Variants in ZC2HC1A observed in about 807,000 individuals in gnomAD.
The protein encoded by ZC2HC1A is zinc finger C2HC domain-containing protein 1A.
A neutral mutation model predicts 40.7 loss-of-function variants in ZC2HC1A; 28 were observed. The ratio of observed to expected loss-of-function variants is 0.69; its 90% confidence interval spans 0.51 to 0.94. ZC2HC1A has a LOEUF of 0.94. ZC2HC1A is among the 40% of genes least tolerant of loss of function. The pLI is 0.00. For synonymous variants in ZC2HC1A, 129 were observed against 129.2 expected (o/e 1.00, Z 0.01); for missense variants, 389 against 386.3 (o/e 1.01, Z -0.06).
chr8:78,681,710 T>G (rs1192379838), intron 3 of ZC2HC1A, among the ~76,000 whole-genome samples: 1 of 152,140 alleles, frequency 6.6e-6, no homozygotes, highest in African/African-American at 2.4e-5. Flanking sequence ...TTTTCTAAAA[T>G]AAATGACATT....
At chr8:78,716,144 A>G (rs1811094074) in intron 8 of ZC2HC1A, among the ~76,000 whole-genome samples, 1 of 149,976 alleles carries the variant, frequency 6.7e-6, no homozygotes, top group Admixed American at 6.6e-5. Context: ...GTTTTTTAAG[A>G]CGGAGTCTCG....
At chr8:78,683,511 G>A (rs1809857016) in intron 3 of ZC2HC1A, among the ~76,000 whole-genome samples, 1 of 152,170 alleles carries the variant, frequency 6.6e-6, no homozygotes, top group African/African-American at 2.4e-5. Context: ...GGAGCAGCTG[G>A]GACGCAGGGC....
intron 8 of ZC2HC1A, among the ~76,000 whole-genome samples, chr8:78,715,675 A>G (rs1295261028): frequency 6.6e-6 from 1 of 152,152 alleles, no homozygotes; most frequent in Non-Finnish European, 1.5e-5. Context: ...TGTACTAGCA[A>G]AATAGCAAAA....
At chr8:78,677,001 T>C (rs1233655678) in intron 2 of ZC2HC1A, among the ~76,000 whole-genome samples, 1 of 152,056 alleles carries the variant, frequency 6.6e-6, no homozygotes, top group Non-Finnish European at 1.5e-5. Context: ...TTTTTAAAAA[T>C]ACTTAAGAGC....
chr8:78,712,842 G>A (rs1209943969), intron 7 of ZC2HC1A, among the ~76,000 whole-genome samples: 1 of 152,140 alleles, frequency 6.6e-6, no homozygotes, highest in Non-Finnish European at 1.5e-5. Flanking sequence ...ATTAAGCAGA[G>A]TAACTTAGTT....
chr8:78,669,947 A>ATTTCTTTCTTTC (rs1012478234), intron 1 of ZC2HC1A, among the ~76,000 whole-genome samples: 2 of 142,858 alleles, frequency 1.4e-5, no homozygotes, highest in Admixed American at 7.2e-5. Context: ...GAATGAATGT[A>ATTTCTTTCTTTC]TTTCTTTCTT....
intron 1 of ZC2HC1A, among the ~76,000 whole-genome samples, chr8:78,670,856 GT>G (rs1244086074): frequency 7.2e-5 from 11 of 152,130 alleles, no homozygotes; most frequent in Admixed American, 5.9e-4. Context: ...CATTGACTAG[GT>G]TAAGACAAAA....
chr8:78,713,114 T>C (rs994030193), intron 7 of ZC2HC1A, among the ~76,000 whole-genome samples: 1 of 151,972 alleles, frequency 6.6e-6, no homozygotes, highest in African/African-American at 2.4e-5. Context: ...TTAAGTACAA[T>C]TCCAAAATTA....
intron 5 of ZC2HC1A, among the ~76,000 whole-genome samples, chr8:78,689,844 T>A (rs903965714): frequency 6.6e-6 from 1 of 152,248 alleles, no homozygotes; most frequent in Non-Finnish European, 1.5e-5. Flanking sequence ...TCTTTATGAT[T>A]TATGCTCCTT....
intron 3 of ZC2HC1A, among the ~76,000 whole-genome samples, chr8:78,682,378 C>T (rs1339957133): frequency 6.7e-6 from 1 of 148,956 alleles, no homozygotes; most frequent in Non-Finnish European, 1.5e-5. Context: ...GTTTAAGGGA[C>T]TTAAACTTCC....
intron 7 of ZC2HC1A, among the ~76,000 whole-genome samples, chr8:78,714,129 A>G (rs1000202661): frequency 3.3e-5 from 5 of 152,128 alleles, no homozygotes; most frequent in African/African-American, 1.2e-4. Context: ...TGAAATTTAA[A>G]GATTTGATTA....
In ZC2HC1A at chr8:78,688,304, A is replaced by C. The variant is rs1156272289; in HGVS notation, c.353-918A>C. 2.0e-5 allele frequency among the ~76,000 whole-genome samples: 3 copies of C among 152,108 alleles called. No homozygotes were observed. In the East Asian group the frequency reaches 5.8e-4, roughly 29 times the overall value. On this transcript the variant is annotated intron_variant, in intron 4 of 8. Coordinates refer to ENST00000263849, the MANE Select transcript of ZC2HC1A (RefSeq NM_016010.3). ...GAGAGTGAGAGGGTACCAGTTCTTC[A>C]GGATCGTTTGGGCTTTAGAAGTTTT... is the stretch of plus-strand genomic sequence containing the variant.
At chr8:78,705,654 C>T (rs547972554) in intron 7 of ZC2HC1A, among the ~76,000 whole-genome samples, 2 of 152,254 alleles carry the variant, frequency 1.3e-5, no homozygotes, top group South Asian at 2.1e-4. Context: ...GGCATGGGCT[C>T]TCCAAACCCC....
intron 7 of ZC2HC1A, among the ~76,000 whole-genome samples, chr8:78,702,762 T>C (rs1043200155): frequency 6.6e-6 from 1 of 152,190 alleles, no homozygotes; most frequent in Non-Finnish European, 1.5e-5. Flanking sequence ...TATGTAGTTG[T>C]AGGGTTTTGA....
At chr8:78,679,277 A>G (rs1809686407) in intron 3 of ZC2HC1A, 1 of 152,172 alleles carries the variant, frequency 6.6e-6, no homozygotes, top group Non-Finnish European at 1.5e-5. Context: ...TCTGTTATAT[A>G]TTATAGTAAT....
rs1304707439 is a variant in ZC2HC1A at position 78,697,422 on chromosome 8, C to T, written c.520C>T (p.Leu174Phe). The T allele has an allele frequency of 6.3e-7, 1 of 1,599,068 alleles. No individual in the cohort carries two copies. Among genetic ancestry groups the T allele is most frequent in the Admixed American group, 1.8e-5 (1 of 55,606 alleles). Residue 174 changes from leucine to phenylalanine, a missense_variant, in exon 6 of 9, where the codon CTT becomes TTT. Leu to Phe is a conservative substitution (Grantham distance 22, BLOSUM62 0). Coordinates refer to ENST00000263849, the MANE Select transcript of ZC2HC1A (RefSeq NM_016010.3). ...ATTATTTTAGTATAAGCCACCCGCA[C>T]TTAAAAAGTCAAATTCTCCTGGAAC... ...SRTQVYKPPA[L>F]KKSNSPGTAS...
intron 1 of ZC2HC1A, among the ~76,000 whole-genome samples, chr8:78,675,284 A>G (rs1217927374): frequency 6.6e-6 from 1 of 151,900 alleles, no homozygotes; most frequent in East Asian, 1.9e-4. Flanking sequence ...TAATTTGCAT[A>G]ACTAGGTGAT....
intron 1 of ZC2HC1A, 47 bp from the exon 2 acceptor site, chr8:78,675,740 C>G (rs1585977932): frequency 6.8e-7 from 1 of 1,473,684 alleles, no homozygotes; most frequent in East Asian, 2.3e-5. Context: ...TGAAGTTTCA[C>G]AATTTCAAGT....
chr8:78,681,525 A>T (rs577957157), intron 3 of ZC2HC1A, among the ~76,000 whole-genome samples: 2 of 152,176 alleles, frequency 1.3e-5, no homozygotes, highest in African/African-American at 4.8e-5. Flanking sequence ...AGATAATGTC[A>T]TTCTTTTTGT....
Sources: allele counts gnomAD v4.1 joint callset (sites outside exome capture counted in the v4.1 genomes callset), GRCh38; gene constraint gnomAD v4.1.1; transcripts MANE v1.5; gene names NCBI Gene and HGNC (gene_info 2026-07-23, HGNC 2026-07-21).